The following AGBL4 variants were observed in gnomAD, a reference collection of about 807,000 sequenced individuals.
The protein encoded by AGBL4 is AGBL carboxypeptidase 4.
A neutral mutation model predicts 66.4 loss-of-function variants in AGBL4; 58 were observed. The ratio of observed to expected loss-of-function variants is 0.87; its 90% CI spans 0.71 to 1.09. The LOEUF is 1.09. Among genes scored for constraint, AGBL4 ranks in the 50% least tolerant of loss-of-function variants. The probability of loss-of-function intolerance (pLI) is 0.00; values close to 1 mark genes in which losing one functional copy is unlikely to be tolerated. For missense variants in AGBL4, 579 were observed against 631.0 expected (o/e 0.92, Z 0.88); for synonymous variants, 234 against 222.9 (o/e 1.05, Z -0.44).
intron 1 of AGBL4, among the ~76,000 whole-genome samples, chr1:50,002,604 C>T (rs1458545152): frequency 6.6e-6 from 1 of 151,690 alleles, no homozygotes; most frequent in African/African-American, 2.4e-5. Context: ...CTCCTGACCT[C>T]GTGATCCGCC....
chr1:48,541,343 A>G (rs1273685197), intron 11 of AGBL4, among the ~76,000 whole-genome samples: 2 of 152,182 alleles, frequency 1.3e-5, no homozygotes, highest in Non-Finnish European at 1.5e-5. Context: ...ACTGCATTTT[A>G]CCTGTCTCTT....
chr1:48,728,091 T>C (rs1448186376), intron 6 of AGBL4: 4 of 1,518,392 alleles, frequency 2.6e-6, no homozygotes, highest in Non-Finnish European at 3.6e-6. Context: ...TGAATTCAAG[T>C]AAAAATCTTT....
chr1:49,414,987 C>T (rs958914613), intron 3 of AGBL4, among the ~76,000 whole-genome samples: 1 of 152,046 alleles, frequency 6.6e-6, no homozygotes, highest in African/African-American at 2.4e-5. Context: ...GCTAATCCAA[C>T]CCCATCATTT....
chr1:48,662,400 C>T (rs1428349131), intron 7 of AGBL4, among the ~76,000 whole-genome samples: 1 of 152,196 alleles, frequency 6.6e-6, no homozygotes, highest in Non-Finnish European at 1.5e-5. Flanking sequence ...TCAGAGGCTT[C>T]CACTGCAGTG....
At chr1:48,965,678 C>A (rs1346267568) in intron 5 of AGBL4, among the ~76,000 whole-genome samples, 1 of 152,144 alleles carries the variant, frequency 6.6e-6, no homozygotes, top group East Asian at 1.9e-4. Context: ...CTGTGTGAAG[C>A]TGTTGCAGTC....
At chr1:49,558,847 C>A (rs1643965600) in intron 3 of AGBL4, among the ~76,000 whole-genome samples, 1 of 152,172 alleles carries the variant, frequency 6.6e-6, no homozygotes, top group East Asian at 1.9e-4. Flanking sequence ...CTGGGTGAGG[C>A]TCATCCTTTG....
chr1:49,880,231 G>C (rs1260680855), intron 1 of AGBL4, among the ~76,000 whole-genome samples: 2 of 151,818 alleles, frequency 1.3e-5, no homozygotes, highest in African/African-American at 2.4e-5. Flanking sequence ...GAGGAGGAGA[G>C]GCGCTCTGCG....
chr1:49,998,864 C>T, intron 1 of AGBL4, among the ~76,000 whole-genome samples: 1 of 152,100 alleles, frequency 6.6e-6, no homozygotes. Flanking sequence ...GCAGAAAAAG[C>T]AGTTGACAAA....
intron 1 of AGBL4, among the ~76,000 whole-genome samples, chr1:50,011,925 C>T (rs552741061): frequency 1.3e-4 from 20 of 151,810 alleles, no homozygotes; most frequent in Non-Finnish European, 2.8e-4. Context: ...TTTGGGAGGC[C>T]GAGGCGGGTG....
intron 11 of AGBL4, among the ~76,000 whole-genome samples, chr1:48,540,885 G>A (rs1167519851): frequency 6.6e-6 from 1 of 152,074 alleles, no homozygotes; most frequent in Non-Finnish European, 1.5e-5. Context: ...TCTCCCCTCT[G>A]GTCCATTTTC....
intron 11 of AGBL4, among the ~76,000 whole-genome samples, chr1:48,546,864 A>AACAAAC (rs767539394): frequency 7.8e-6 from 1 of 128,298 alleles, no homozygotes; most frequent in Non-Finnish European, 1.7e-5. Flanking sequence ...AAAACAAACA[A>AACAAAC]ACACACACAC....
chr1:49,630,375 G>T lies in AGBL4; in HGVS notation c.282+66938C>A, dbSNP rs576406932. ...CCCTCTTGTGGCACATAGTCTTCTGGTAAGTCTTCTGGTGTCACTTAATGT... is the reference window on the plus strand; with the variant it reads ...CCCTCTTGTGGCACATAGTCTTCTGTTAAGTCTTCTGGTGTCACTTAATGT... On this transcript the variant is annotated intron_variant, in intron 3 of 13. Transcript: ENST00000371839. Among the ~76,000 whole-genome samples the T allele has an allele frequency of 2.0e-5, 3 of 152,092 alleles. No homozygotes were observed. The South Asian group carries it at 6.2e-4, about 32-fold the overall frequency.
At chr1:49,229,909 A>G (rs1277417804) in intron 4 of AGBL4, among the ~76,000 whole-genome samples, 1 of 135,988 alleles carries the variant, frequency 7.4e-6, no homozygotes, top group African/African-American at 2.5e-5. Flanking sequence ...TCATGCTGCA[A>G]TGGGTGACTC....
chr1:49,743,637 AGACTTG>A (rs1259444205), intron 2 of AGBL4, among the ~76,000 whole-genome samples: 1 of 152,118 alleles, frequency 6.6e-6, no homozygotes. Context: ...ACAATAGCAA[AGACTTG>A]GAACCAACCC....
chr1:48,851,131 A>C (rs910517350), intron 6 of AGBL4, among the ~76,000 whole-genome samples: 1 of 152,130 alleles, frequency 6.6e-6, no homozygotes, highest in African/African-American at 2.4e-5. Context: ...ATACCTTTTT[A>C]AAACACTTTT....
chr1:49,755,800 T>C (rs1651842470), intron 2 of AGBL4, among the ~76,000 whole-genome samples: 1 of 152,200 alleles, frequency 6.6e-6, no homozygotes, highest in Non-Finnish European at 1.5e-5. Context: ...TCATCACTTA[T>C]CACCTAATTG....
intron 5 of AGBL4, among the ~76,000 whole-genome samples, chr1:48,869,313 C>T (rs984127494): frequency 6.6e-6 from 1 of 152,194 alleles, no homozygotes; most frequent in African/African-American, 2.4e-5. Context: ...TGGAGCCAGA[C>T]CTTCTTCCTT....
rs932052577 is a variant in AGBL4 at position 48,817,905 on chromosome 1, T to C, written c.634+49286A>G. The stretch of plus-strand genomic sequence containing the variant: ...TGCACCTGGGAGATGCAGATCCATT[T>C]TGGGTGAATGGTGGAGGCTGTGTAG... On this transcript the variant is annotated intron_variant, in intron 6 of 13. Coordinates refer to ENST00000371839, the MANE Select transcript of AGBL4 (RefSeq NM_032785.4). The C allele has an allele frequency of 6.5e-6, 4 of 619,650 alleles. No homozygotes were observed. The Admixed American group carries it at 1.1e-4, about 18-fold the overall frequency. The allele number at this position is 619,650 out of a possible 1,614,324, so 38.4% of individuals were successfully genotyped here. A position where few individuals can be genotyped will look rare whatever the true frequency, so the allele number is the denominator to read the frequency against.
chr1:48,972,198 T>A (rs1658964710), intron 5 of AGBL4, among the ~76,000 whole-genome samples: 1 of 152,252 alleles, frequency 6.6e-6, no homozygotes, highest in East Asian at 1.9e-4. Flanking sequence ...CCTAGTTGCT[T>A]TCATTATGGA....
Sources: gnomAD v4.1 joint callset for allele counts (sites outside exome capture counted in the v4.1 genomes callset) on GRCh38, gnomAD v4.1.1 for gene constraint, MANE v1.5 for transcripts, NCBI Gene and HGNC (gene_info 2026-07-23, HGNC 2026-07-21) for gene names.